SCAMP2: variants seen among roughly 807,000 people sequenced by gnomAD.
SCAMP2 encodes the protein secretory carrier-associated membrane protein 2.
Under a neutral mutation model 44.1 loss-of-function variants are expected in SCAMP2, and 25 were observed. The ratio of observed to expected loss-of-function variants is 0.57; its 90% CI spans 0.41 to 0.79. SCAMP2 has a LOEUF of 0.79. Among genes scored for constraint, SCAMP2 ranks in the 30% least tolerant of loss-of-function variants. The pLI is 0.00. For synonymous variants in SCAMP2, 156 were observed against 166.0 expected (o/e 0.94, Z 0.46); for missense variants, 355 against 411.0 (o/e 0.86, Z 1.18).
intron 1 of SCAMP2, among the ~76,000 whole-genome samples, chr15:74,871,911 G>A (rs2064578353): frequency 6.7e-6 from 1 of 149,930 alleles, no homozygotes; most frequent in African/African-American, 2.5e-5. Flanking sequence ...CGGGTGTGGT[G>A]GTGCACACCT....
chr15:74,866,860 A>T (rs2064547559), intron 1 of SCAMP2, among the ~76,000 whole-genome samples: 1 of 150,446 alleles, frequency 6.6e-6, no homozygotes. Context: ...GCAGTGGTGC[A>T]ATCTCGGCTC....
At chr15:74,862,844 A>T (rs1329517522) in intron 1 of SCAMP2, among the ~76,000 whole-genome samples, 6 of 119,714 alleles carry the variant, frequency 5.0e-5, no homozygotes, top group Non-Finnish European at 1.0e-4. Context: ...AAAAACAAAA[A>T]ACAAACCATA....
At position 74,848,686 on chromosome 15, in the gene SCAMP2, G is replaced by GA; in HGVS notation, c.647dup (p.Ser217GlnfsTer40). ...ATACAAAGAAGAACACAAAGAAGCT[G>GA]AAAGAGTTGTCGGACCTGTGGAGAG... On this transcript the variant is annotated frameshift_variant, in exon 7 of 9. Coordinates refer to ENST00000268099, the MANE Select transcript of SCAMP2 (RefSeq NM_005697.5). LOFTEE classifies it high-confidence loss of function. 3 of 1,613,256 alleles carry GA rather than the reference G, an allele frequency of 1.9e-6. No individual in the cohort carries two copies. The highest frequency in any genetic ancestry group is 2.5e-6 in the Non-Finnish European group (3 of 1,179,322).
chr15:74,865,479 G>A lies in SCAMP2; in HGVS notation c.57+7720C>T, dbSNP rs941509269. ...GAACAGGTTTTTCAAGGGTGGGTGTGGTGGGGTAGGGAGAGGATCCGAGAA... is the reference window on the plus strand; with the variant it reads ...GAACAGGTTTTTCAAGGGTGGGTGTAGTGGGGTAGGGAGAGGATCCGAGAA... On this transcript the variant is annotated intron_variant, in intron 1 of 8. Transcript: ENST00000268099. Among the ~76,000 whole-genome samples the A allele has an allele frequency of 3.3e-5, 5 of 151,850 alleles. No homozygotes were observed. In the East Asian group the frequency reaches 7.7e-4, roughly 23 times the overall value.
intron 7 of SCAMP2, among the ~76,000 whole-genome samples, chr15:74,847,897 G>A (rs1267206127): frequency 1.3e-5 from 2 of 152,184 alleles, no homozygotes; most frequent in South Asian, 2.1e-4. Flanking sequence ...TCTGGAAAAA[G>A]TTGCAGCTCA....
chr15:74,845,018 C>A lies in SCAMP2; in HGVS notation c.*65G>T. 6.4e-7 allele frequency: 1 copy of A among 1,559,546 alleles called. No individual in the cohort carries two copies. Among genetic ancestry groups the A allele is most frequent in the Non-Finnish European group, 8.7e-7 (1 of 1,145,114 alleles). On this transcript the variant is annotated 3_prime_UTR_variant, in exon 9 of 9. Transcript: ENST00000268099. ...GGCACAACCACCACCACATAAGGCACCCACGGAAAGTGCAGCTCAGAAGGC... is the reference window on the plus strand; with the variant it reads ...GGCACAACCACCACCACATAAGGCAACCACGGAAAGTGCAGCTCAGAAGGC...
At chr15:74,857,974 A>G (rs1312400221) in intron 1 of SCAMP2, among the ~76,000 whole-genome samples, 2 of 152,214 alleles carry the variant, frequency 1.3e-5, no homozygotes, top group Non-Finnish European at 2.9e-5. Flanking sequence ...AGCAAACAGG[A>G]GGCACCTGCA....
intron 7 of SCAMP2, among the ~76,000 whole-genome samples, chr15:74,847,411 T>C (rs1596413483): frequency 6.6e-6 from 1 of 152,292 alleles, no homozygotes; most frequent in South Asian, 2.1e-4. Context: ...GCCTTCTGAT[T>C]CCCAGTACAG....
Position 74,851,786 on chromosome 15 carries a change from C to T in SCAMP2, c.343+283G>A, listed in dbSNP as rs148906225. On this transcript the variant is annotated intron_variant, in intron 4 of 8. Coordinates refer to ENST00000268099, the MANE Select transcript of SCAMP2 (RefSeq NM_005697.5). The stretch of plus-strand genomic sequence containing the variant: ...TAAGTGTGAGAACTCAGTTCATCAT[C>T]ATTAGCAAGGAATTGTGGGACCAAA... The T allele has an allele frequency of 1.8e-5, 8 of 452,780 alleles. No homozygotes were observed. In the East Asian group the frequency reaches 2.4e-4, roughly 13 times the overall value. The allele number at this position is 452,780 out of a possible 1,614,324, so 28.0% of individuals were successfully genotyped here. A position where few individuals can be genotyped will look rare whatever the true frequency, so the allele number is the denominator to read the frequency against.
chr15:74,864,323 A>C (rs1450983592), intron 1 of SCAMP2, among the ~76,000 whole-genome samples: 1 of 152,180 alleles, frequency 6.6e-6, no homozygotes, highest in East Asian at 1.9e-4. Flanking sequence ...GGCCTCCCAA[A>C]GTGCTGGGAT....
intron 5 of SCAMP2, 145 bp from the exon 6 acceptor site, chr15:74,850,818 G>T (rs558922560): frequency 1.3e-4 from 105 of 792,468 alleles, no homozygotes; most frequent in South Asian, 2.2e-4. Flanking sequence ...CCTAGGCAGG[G>T]ATAGTTCCCA....
intron 2 of SCAMP2, 72 bp downstream of exon 2, chr15:74,854,509 G>T: frequency 1.6e-6 from 2 of 1,284,648 alleles, no homozygotes; most frequent in South Asian, 2.5e-5. Flanking sequence ...CCTTGCCAAG[G>T]ATCCCTGCCC....
intron 3 of SCAMP2, chr15:74,853,381 C>T (rs949241649): frequency 5.0e-5 from 23 of 456,172 alleles, no homozygotes; most frequent in Admixed American, 4.9e-4. Flanking sequence ...CGGAAGCTTT[C>T]GCATGTAGCT....
At chr15:74,856,778 T>G (rs2064471755) in intron 1 of SCAMP2, among the ~76,000 whole-genome samples, 1 of 151,914 alleles carries the variant, frequency 6.6e-6, no homozygotes, top group Non-Finnish European at 1.5e-5. Flanking sequence ...AGTTTTTTTG[T>G]AGAGATGGGG....
chr15:74,864,365 A>G (rs985443150), intron 1 of SCAMP2, among the ~76,000 whole-genome samples: 1 of 152,068 alleles, frequency 6.6e-6, no homozygotes, highest in African/African-American at 2.4e-5. Flanking sequence ...CTGGCCGAGA[A>G]TCTTTAAAAA....
intron 6 of SCAMP2, 72 bp from the exon 7 acceptor site, chr15:74,848,773 C>A (rs1249876867): frequency 3.7e-6 from 4 of 1,089,278 alleles, no homozygotes; most frequent in Non-Finnish European, 5.5e-6. Context: ...CTTGGTGTGA[C>A]ATCCCTCCTC....
At chr15:74,849,609 T>C (rs1230395498) in intron 6 of SCAMP2, among the ~76,000 whole-genome samples, 1 of 151,808 alleles carries the variant, frequency 6.6e-6, no homozygotes. Context: ...CCAGGTGTGA[T>C]TGTGTGTGCC....
chr15:74,868,570 G>C (rs2064556990), intron 1 of SCAMP2, among the ~76,000 whole-genome samples: 1 of 152,122 alleles, frequency 6.6e-6, no homozygotes, highest in Non-Finnish European at 1.5e-5. Context: ...TTGAGATAGA[G>C]TTTCACTCTA....
intron 1 of SCAMP2, among the ~76,000 whole-genome samples, chr15:74,861,798 G>A (rs2064505272): frequency 6.6e-6 from 1 of 151,350 alleles, no homozygotes; most frequent in Non-Finnish European, 1.5e-5. Context: ...CTACTCTGGA[G>A]GCTGAGGTGG....
Sources: gnomAD v4.1 joint callset for allele counts (sites outside exome capture counted in the v4.1 genomes callset) on GRCh38, gnomAD v4.1.1 for gene constraint, MANE v1.5 for transcripts, NCBI Gene and HGNC (gene_info 2026-07-23, HGNC 2026-07-21) for gene names.